SLC35F2: variants seen among roughly 807,000 people sequenced by gnomAD.
SLC35F2 encodes the protein queuine/queuosine transporter SLC35F2.
SLC35F2 carries 25 observed loss-of-function variants against 38.1 expected under a neutral mutation model. The observed-to-expected ratio is 0.66, with a 90% CI of 0.48 to 0.92. The LOEUF is 0.92. SLC35F2 is among the 40% of genes least tolerant of loss of function. The probability of loss-of-function intolerance (pLI) is 0.00; values close to 1 mark genes in which losing one functional copy is unlikely to be tolerated. For synonymous variants in SLC35F2, 173 were observed against 181.7 expected, an observed-to-expected ratio of 0.95 and a Z score of 0.38; for missense variants, 409 against 452.9, an observed-to-expected ratio of 0.90 and a Z score of 0.88.
chr11:107,815,593 C>A lies in SLC35F2; in HGVS notation c.286+197G>T, dbSNP rs952331747. Among the ~76,000 whole-genome samples, 909 of 139,512 alleles carry A rather than the reference C, an allele frequency of 6.5e-3. 3 individuals are homozygous for A. Among genetic ancestry groups the A allele is most frequent in the Non-Finnish European group, 1.0e-2 (634 of 63,414 alleles). The allele number at this position is 139,512 out of a possible 152,430, so 91.5% of individuals were successfully genotyped here. On this transcript the variant is annotated intron_variant, in intron 2 of 7. Transcript: ENST00000525815. Reference sequence around the variant, plus strand: ...AACAACAACAACAACAACACACACACAAAAAAAAAAACACTTTTTTTTTGG... The same window carrying A: ...AACAACAACAACAACAACACACACAAAAAAAAAAAAACACTTTTTTTTTGG...
rs115116785 is a variant in SLC35F2 at position 107,820,667 on chromosome 11, C to A, written c.111-4702G>T. Among the ~76,000 whole-genome samples, 883 of 152,110 alleles carry A rather than the reference C, an allele frequency of 5.8e-3. 8 individuals are homozygous for A. The highest frequency in any genetic ancestry group is 0.02 in the African/African-American group (837 of 41,474). On this transcript the variant is annotated intron_variant, in intron 1 of 7. Coordinates refer to ENST00000525815, the MANE Select transcript of SLC35F2 (RefSeq NM_017515.5). ...TATAACAGAGTTTATATTAGAAAACCCCTTCAGGCTGGGCGCAGTGGCTCA... is the reference window on the plus strand; with the variant it reads ...TATAACAGAGTTTATATTAGAAAACACCTTCAGGCTGGGCGCAGTGGCTCA...
intron 1 of SLC35F2, among the ~76,000 whole-genome samples, chr11:107,833,275 A>C (rs1031814275): frequency 5.3e-5 from 8 of 152,108 alleles, no homozygotes; most frequent in African/African-American, 1.9e-4. Flanking sequence ...TAATCCCAGC[A>C]CTTTGGGAGG....
At chr11:107,855,282 T>C (rs1860258407) in intron 1 of SLC35F2, among the ~76,000 whole-genome samples, 1 of 152,132 alleles carries the variant, frequency 6.6e-6, no homozygotes, top group Non-Finnish European at 1.5e-5. Context: ...CCCTCAGTCA[T>C]TCACTCATTC....
intron 1 of SLC35F2, among the ~76,000 whole-genome samples, chr11:107,841,696 G>T (rs762329052): frequency 5.9e-5 from 9 of 152,086 alleles, no homozygotes; most frequent in South Asian, 2.1e-4. Flanking sequence ...GCCTGGCCGG[G>T]CGCAGTGGCT....
At chr11:107,827,849 T>C (rs1174227548) in intron 1 of SLC35F2, among the ~76,000 whole-genome samples, 2 of 152,052 alleles carry the variant, frequency 1.3e-5, no homozygotes, top group African/African-American at 4.8e-5. Context: ...AAGCACAGGT[T>C]GCAGTGAGCC....
At chr11:107,810,216 C>T (rs928205427) in intron 3 of SLC35F2, 25 of 985,202 alleles carry the variant, frequency 2.5e-5, no homozygotes, top group East Asian at 1.1e-4. Context: ...TTGCTAGGAC[C>T]GTAAGTGCAT....
chr11:107,801,465 G>A (rs1353802235), intron 7 of SLC35F2, among the ~76,000 whole-genome samples: 1 of 151,792 alleles, frequency 6.6e-6, no homozygotes, highest in Non-Finnish European at 1.5e-5. Flanking sequence ...ATGATAACAT[G>A]ATGAATTTAT....
chr11:107,820,299 G>C (rs1455215533), intron 1 of SLC35F2, among the ~76,000 whole-genome samples: 1 of 151,462 alleles, frequency 6.6e-6, no homozygotes, highest in Admixed American at 6.6e-5. Flanking sequence ...AAGAAAGGGA[G>C]GGAGGGGAAG....
intron 7 of SLC35F2, among the ~76,000 whole-genome samples, chr11:107,799,526 G>GA (rs1486300838): frequency 2.0e-5 from 3 of 152,108 alleles, no homozygotes; most frequent in Non-Finnish European, 2.9e-5. Flanking sequence ...TTGGCTCTCA[G>GA]AAAAAAATCT....
intron 1 of SLC35F2, among the ~76,000 whole-genome samples, chr11:107,848,014 A>G (rs1565442025): frequency 6.6e-6 from 1 of 152,210 alleles, no homozygotes; most frequent in African/African-American, 2.4e-5. Context: ...AAATTCATAG[A>G]GACAGAAAGT....
chr11:107,806,848 A>C lies in SLC35F2; in HGVS notation c.443T>G (p.Leu148Trp), dbSNP rs770865374. 3.7e-6 allele frequency: 6 copies of C among 1,614,006 alleles called. No homozygotes were observed. Among genetic ancestry groups the C allele is most frequent in the Non-Finnish European group, 5.1e-6 (6 of 1,179,972 alleles). ...QLLDCFGIPV[L>W]MALSWFILHA... ...AAGAATAAACCATGACAGAGCCATC[A>C]ACACAGGAATCCCAAAGCAATCCAA... Residue 148 changes from leucine to tryptophan, a missense_variant, in exon 4 of 8, where the codon TTG (leucine) becomes TGG (tryptophan). Physicochemically the swap from Leu to Trp is moderately conservative, Grantham distance 61. Transcript: ENST00000525815.
chr11:107,807,072 A>G (rs1250026117), intron 3 of SLC35F2, among the ~76,000 whole-genome samples, 196 bp from the exon 4 acceptor site: 1 of 152,054 alleles, frequency 6.6e-6, no homozygotes, highest in East Asian at 1.9e-4. Flanking sequence ...TGAAATTACA[A>G]TCCAATTTTA....
chr11:107,801,687 T>C (rs966697349), intron 7 of SLC35F2, among the ~76,000 whole-genome samples: 1 of 151,630 alleles, frequency 6.6e-6, no homozygotes, highest in Non-Finnish European at 1.5e-5. Flanking sequence ...ATTTTCAAAT[T>C]AGCTGTGAAG....
At chr11:107,798,292 C>T (rs914793032) in intron 7 of SLC35F2, among the ~76,000 whole-genome samples, 2 of 152,220 alleles carry the variant, frequency 1.3e-5, no homozygotes, top group African/African-American at 4.8e-5. Context: ...GTGTGAGCCA[C>T]TTGCGCCCAG....
chr11:107,853,804 T>C (rs1860231738), intron 1 of SLC35F2, among the ~76,000 whole-genome samples: 1 of 151,276 alleles, frequency 6.6e-6, no homozygotes, highest in Non-Finnish European at 1.5e-5. Flanking sequence ...ATAAAACTCA[T>C]GCCCTTGAAA....
intron 1 of SLC35F2, among the ~76,000 whole-genome samples, chr11:107,830,616 A>G (rs1219933594): frequency 1.3e-5 from 2 of 151,630 alleles, no homozygotes; most frequent in Non-Finnish European, 2.9e-5. Context: ...AAAAAAAAAG[A>G]GAACAGCCTC....
At chr11:107,826,116 C>G (rs567631154) in intron 1 of SLC35F2, among the ~76,000 whole-genome samples, 1 of 152,192 alleles carries the variant, frequency 6.6e-6, no homozygotes, top group East Asian at 1.9e-4. Context: ...CACAGGAGTA[C>G]TACTGTACAG....
intron 1 of SLC35F2, among the ~76,000 whole-genome samples, chr11:107,852,548 CT>C (rs144667830): frequency 0.38 from 52,982 of 141,072 alleles, 10,205 homozygotes; most frequent in Admixed American, 0.51. Context: ...GAGACTCCAC[CT>C]CAAAAAAAAA....
At chr11:107,848,243 A>G (rs1171596608) in intron 1 of SLC35F2, among the ~76,000 whole-genome samples, 3 of 152,094 alleles carry the variant, frequency 2.0e-5, no homozygotes, top group Admixed American at 2.0e-4. Context: ...AAACTTAAAA[A>G]AAGTATTATG....
Sources: gnomAD v4.1 joint callset for allele counts (sites outside exome capture counted in the v4.1 genomes callset) on GRCh38, gnomAD v4.1.1 for gene constraint, MANE v1.5 for transcripts, NCBI Gene and HGNC (gene_info 2026-07-23, HGNC 2026-07-21) for gene names.